ZMYM2: variants seen among roughly 807,000 people sequenced by gnomAD.
The protein encoded by ZMYM2 is zinc finger MYM-type protein 2.
Under a neutral mutation model 162.8 loss-of-function variants are expected in ZMYM2, and 56 were observed. The ratio of observed to expected loss-of-function variants is 0.34; its 90% CI spans 0.28 to 0.43. The LOEUF is 0.43. Among genes scored for constraint, ZMYM2 ranks in the 20% least tolerant of loss-of-function variants. The pLI is 1.00. For missense variants in ZMYM2, 1,275 were observed against 1,621.8 expected, an observed-to-expected ratio of 0.79 and a Z score of 3.67; for synonymous variants, 510 against 541.6, an observed-to-expected ratio of 0.94 and a Z score of 0.81.
At chr13:20,083,353 C>T (rs958853086) in intron 23 of ZMYM2, among the ~76,000 whole-genome samples, 1 of 152,190 alleles carries the variant, frequency 6.6e-6, no homozygotes, top group Non-Finnish European at 1.5e-5. Context: ...TGAGCCACCA[C>T]GCATGGCCCA....
chr13:20,012,525 C>A lies in ZMYM2; in HGVS notation c.1512+5939C>A, dbSNP rs144645778. Among the ~76,000 whole-genome samples, 173 of 152,238 alleles carry A rather than the reference C, an allele frequency of 1.1e-3. 1 individual carries two copies. Among genetic ancestry groups the A allele is most frequent in the Middle Eastern group, 0.01 (3 of 294 alleles). On this transcript the variant is annotated intron_variant, in intron 6 of 24. Transcript: ENST00000610343. The stretch of plus-strand genomic sequence containing the variant: ...TACCCATTGTTTTCTTTTGGTCGTG[C>A]TTTCGGTGTCATTTAAGAATCTGTT...
chr13:19,993,388 T>C lies in ZMYM2; in HGVS notation c.316T>C (p.Leu106=). ...DSKITPSSKE[L]ASQKGSVSET... ...CAAAATTACTCCTTCCTCAAAAGAG[T>C]TGGCATCTCAGAAGGGAAGTGTAAG... The change falls in exon 3 of 25, where the codon TTG becomes CTG. Residue 106 remains leucine (L), a synonymous_variant. Coordinates refer to ENST00000610343, the MANE Select transcript of ZMYM2 (RefSeq NM_197968.4). 1 of 1,613,538 alleles carries C rather than the reference T, an allele frequency of 6.2e-7. No homozygotes were observed. The highest frequency in any genetic ancestry group is 8.5e-7 in the Non-Finnish European group (1 of 1,179,792).
At chr13:19,926,265 G>A in the ZMYM2 span, among the ~76,000 whole-genome samples, 7 of 150,588 alleles carry the variant, frequency 4.6e-5, no homozygotes, top group Admixed American at 1.3e-4. Flanking sequence ...CTGACCAAGG[G>A]TTATCATTTT....
intron 17 of ZMYM2, among the ~76,000 whole-genome samples, chr13:20,061,885 T>G (rs1956263785): frequency 1.3e-5 from 2 of 152,116 alleles, no homozygotes; most frequent in African/African-American, 4.8e-5. Flanking sequence ...ACCCAGCCCC[T>G]AGTTTTCTTT....
rs191062038 is a variant in ZMYM2 at position 20,051,461 on chromosome 13, A to G, written c.2321A>G (p.Gln774Arg). ...KAARCDCCKS[Q>R]GTLKERVQWR... The stretch of plus-strand genomic sequence containing the variant: ...GCAAGGTGTGACTGTTGTAAATCTC[A>G]AGGAACTCTTAAAGAGCGAGTTCAG... Residue 774 changes from glutamine (Q) to arginine (R), a missense_variant, in exon 13 of 25, where the codon CAA becomes CGA. Around this residue, in one of 10 missense-constraint regions of ZMYM2, gnomAD observed 177 missense variants for 228.0 expected, o/e 0.78. Transcript: ENST00000610343. The G allele has an allele frequency of 5.6e-6, 9 of 1,613,216 alleles. No homozygotes were observed. The highest frequency in any genetic ancestry group is 5.0e-5 in the Admixed American group (3 of 59,900).
intron 14 of ZMYM2, among the ~76,000 whole-genome samples, chr13:20,052,531 G>A (rs991446349): frequency 3.3e-5 from 5 of 152,046 alleles, no homozygotes; most frequent in Non-Finnish European, 5.9e-5. Flanking sequence ...TCACAATGGG[G>A]CGATAGACAT....
chr13:19,937,031 G>A, the ZMYM2 span, among the ~76,000 whole-genome samples: 1 of 151,338 alleles, frequency 6.6e-6, no homozygotes, highest in African/African-American at 2.4e-5. Context: ...GTTTTAATAA[G>A]TTGCTATATT....
At chr13:19,873,032 A>G in the ZMYM2 span, among the ~76,000 whole-genome samples, 1 of 152,154 alleles carries the variant, frequency 6.6e-6, no homozygotes, top group Non-Finnish European at 1.5e-5. Context: ...TCCCTTTTAT[A>G]GGCACATACT....
chr13:19,907,687 G>T, the ZMYM2 span, among the ~76,000 whole-genome samples: 1 of 132,644 alleles, frequency 7.5e-6, no homozygotes, highest in African/African-American at 2.7e-5. Flanking sequence ...GCTTGAACCC[G>T]GGAATCGGAG....
At chr13:19,888,578 A>G in the ZMYM2 span, among the ~76,000 whole-genome samples, 1 of 151,496 alleles carries the variant, frequency 6.6e-6, no homozygotes, top group African/African-American at 2.4e-5. Context: ...TTTAATGTGG[A>G]TCCTCTTCAT....
At chr13:19,974,511 T>C (rs1956612963) in intron 2 of ZMYM2, among the ~76,000 whole-genome samples, 1 of 152,076 alleles carries the variant, frequency 6.6e-6, no homozygotes, top group East Asian at 1.9e-4. Context: ...ACTCTTGCTC[T>C]GTTGCCCAGG....
At chr13:19,890,505 TAA>T in the ZMYM2 span, among the ~76,000 whole-genome samples, 3 of 98,458 alleles carry the variant, frequency 3.0e-5, no homozygotes, top group African/African-American at 8.6e-5. Context: ...AGTGCTTTTG[TAA>T]AAAAAAAAAA....
rs1030264820 is a variant in ZMYM2, at chr13:20,006,564, G to A, written c.1490G>A (p.Ser497Asn). ...DGQQKRFCCQ[S>N]CVSEYKQVGS... ...CAACAGAAAAGATTTTGCTGTCAAA[G>A]TTGTGTCAGTGAATACAAACAGGTA... Residue 497 changes from serine (S) to asparagine (N), a missense_variant, in exon 6 of 25, where the codon AGT (serine) becomes AAT (asparagine). Around this residue, in one of 10 missense-constraint regions of ZMYM2, gnomAD observed 276 missense variants for 311.8 expected, o/e 0.89. Transcript: ENST00000610343. 6.2e-7 allele frequency: 1 copy of A among 1,613,838 alleles called. No individual in the cohort carries two copies. Among genetic ancestry groups the A allele is most frequent in the Non-Finnish European group, 8.5e-7 (1 of 1,179,822 alleles).
At chr13:19,904,134 T>C in the ZMYM2 span, among the ~76,000 whole-genome samples, 5 of 152,308 alleles carry the variant, frequency 3.3e-5, no homozygotes, top group South Asian at 2.1e-4. Context: ...GGATAAGAGA[T>C]TGGAATTTAT....
At chr13:19,928,613 G>C in the ZMYM2 span, among the ~76,000 whole-genome samples, 4 of 151,946 alleles carry the variant, frequency 2.6e-5, no homozygotes, top group Non-Finnish European at 4.4e-5. Flanking sequence ...CCTGGCCAAC[G>C]TGGCAAAACC....
At chr13:20,006,244 AAAAATT>A in intron 5 of ZMYM2, 124 bp from the exon 6 acceptor site, 4 of 906,158 alleles carry the variant, frequency 4.4e-6, no homozygotes, top group Non-Finnish European at 4.5e-6. Flanking sequence ...AAAAAAAAAA[AAAAATT>A]TTTTTTTTCC....
chr13:19,910,959 G>C, the ZMYM2 span, among the ~76,000 whole-genome samples: 1 of 151,558 alleles, frequency 6.6e-6, no homozygotes, highest in Non-Finnish European at 1.5e-5. Context: ...TTGGTCTGTA[G>C]ACGCAGAAAA....
At chr13:19,917,003 C>T in the ZMYM2 span, among the ~76,000 whole-genome samples, 318 of 152,258 alleles carry the variant, frequency 2.1e-3, no homozygotes, top group South Asian at 0.019. Flanking sequence ...CGCTCTGTCG[C>T]CCAGGTTGGA....
At chr13:19,983,714 G>A (rs1948916745) in intron 2 of ZMYM2, among the ~76,000 whole-genome samples, 1 of 151,676 alleles carries the variant, frequency 6.6e-6, no homozygotes, top group Non-Finnish European at 1.5e-5. Flanking sequence ...CTGCAGCCTC[G>A]ACCTCCTGGG....
Sources: gnomAD v4.1 joint callset for allele counts (sites outside exome capture counted in the v4.1 genomes callset) on GRCh38, gnomAD v4.1.1 for gene constraint, gnomAD v4.1.1 regional missense constraint, MANE v1.5 for transcripts, NCBI Gene and HGNC (gene_info 2026-07-23, HGNC 2026-07-21) for gene names.